Variants in MCC observed in about 807,000 individuals in gnomAD.
The protein encoded by MCC is colorectal mutant cancer protein.
A neutral mutation model predicts 116.2 loss-of-function variants in MCC; 90 were observed. The ratio of observed to expected loss-of-function variants is 0.77; its 90% CI spans 0.65 to 0.92. The LOEUF is 0.92. MCC is among the 40% of genes least tolerant of loss of function. MCC has a pLI of 0.00. For missense variants in MCC, 1,516 were observed against 1,312.2 expected (o/e 1.16, Z -2.40); for synonymous variants, 578 against 510.5 (o/e 1.13, Z -1.78).
At chr5:113,181,264 A>T (rs1017994714) in intron 3 of MCC, among the ~76,000 whole-genome samples, 1 of 152,236 alleles carries the variant, frequency 6.6e-6, no homozygotes, top group African/African-American at 2.4e-5. Flanking sequence ...ATTATCAGGC[A>T]AATTTTAGAC....
chr5:113,065,145 C>T (rs996876353), intron 13 of MCC, among the ~76,000 whole-genome samples: 4 of 152,138 alleles, frequency 2.6e-5, no homozygotes, highest in African/African-American at 9.7e-5. Flanking sequence ...TTGGCCCAAA[C>T]CCATAGAATG....
chr5:113,146,190 G>C (rs1011301840), intron 4 of MCC, among the ~76,000 whole-genome samples: 15 of 61,876 alleles, frequency 2.4e-4, no homozygotes, highest in Non-Finnish European at 5.2e-4. Context: ...TTTCTTAAAT[G>C]AGACTGTGCT....
At chr5:113,080,162 G>T (rs1189718297) in intron 11 of MCC, among the ~76,000 whole-genome samples, 1 of 152,214 alleles carries the variant, frequency 6.6e-6, no homozygotes, top group East Asian at 1.9e-4. Context: ...AACAGGTGCT[G>T]GAAAGGATGT....
intron 2 of MCC, among the ~76,000 whole-genome samples, chr5:113,363,878 T>C (rs939235081): frequency 2.0e-5 from 3 of 152,110 alleles, no homozygotes; most frequent in South Asian, 4.1e-4. Flanking sequence ...ACATCCAAGA[T>C]ACAATGGTAG....
intron 3 of MCC, among the ~76,000 whole-genome samples, chr5:113,167,128 T>C (rs1231194078): frequency 6.6e-6 from 1 of 152,134 alleles, no homozygotes; most frequent in Non-Finnish European, 1.5e-5. Flanking sequence ...ATTCTCTCAC[T>C]TTACACCAAT....
chr5:113,326,611 C>A (rs968680406), intron 3 of MCC, among the ~76,000 whole-genome samples: 6 of 152,152 alleles, frequency 3.9e-5, no homozygotes, highest in Non-Finnish European at 5.9e-5. Flanking sequence ...AGTTTCAATG[C>A]GAATTTTGGA....
chr5:113,079,467 C>G (rs192005219), intron 11 of MCC, among the ~76,000 whole-genome samples: 4 of 152,240 alleles, frequency 2.6e-5, no homozygotes, highest in Non-Finnish European at 5.9e-5. Flanking sequence ...GAGATATAGA[C>G]CAATGGAACA....
At chr5:113,147,717 G>C (rs537566403) in intron 4 of MCC, among the ~76,000 whole-genome samples, 127 of 152,256 alleles carry the variant, frequency 8.3e-4, no homozygotes, top group African/African-American at 2.9e-3. Flanking sequence ...GCTAAACAAA[G>C]AGGCACCAGC....
At chr5:113,179,030 G>A (rs1761480443) in intron 3 of MCC, among the ~76,000 whole-genome samples, 1 of 152,108 alleles carries the variant, frequency 6.6e-6, no homozygotes, top group African/African-American at 2.4e-5. Flanking sequence ...ATAATTTACT[G>A]TTAAAATGCT....
Position 113,384,968 on chromosome 5 carries a change from C to G in MCC, c.415G>C (p.Gly139Arg). ...AAAACTGCCACCTGGTTATACCTAC[C>G]CAAACTGTTGTCACTGCTCGTGGGC... ...SWPTSSDNSL[G>R]ALSAARESWE... The change falls in exon 2 of 19, where the codon GGT becomes CGT. Residue 139 changes from glycine (G) to arginine (R), a missense_variant and splice_region_variant. Physicochemically the swap from Gly to Arg is moderately radical, Grantham distance 125. Transcript: ENST00000408903. 2 of 1,614,122 alleles carry G rather than the reference C, an allele frequency of 1.2e-6. No homozygotes were observed. Among genetic ancestry groups the G allele is most frequent in the African/African-American group, 1.3e-5 (1 of 75,046 alleles).
At chr5:113,423,638 A>C (rs1362207841) in intron 1 of MCC, among the ~76,000 whole-genome samples, 1 of 152,214 alleles carries the variant, frequency 6.6e-6, no homozygotes, top group Non-Finnish European at 1.5e-5. Context: ...AGCCAGACTG[A>C]AGCAAGTATT....
rs113387336 is a variant in MCC at position 113,122,687 on chromosome 5, T to C, written c.1024A>G (p.Met342Val). Residue 342 changes from methionine to valine, a missense_variant, in exon 6 of 19, where the codon ATG (methionine) becomes GTG (valine). Coordinates refer to ENST00000408903, the MANE Select transcript of MCC (RefSeq NM_001085377.2). The part of the protein sequence containing the change: ...ENQSTMVTAD[M>V]DNCSDLNSEL... ...TGGCAAGGGCAGGCAGACTCACCCA[T>C]GTCAGCAGTAACCATGGTAGACTGG... 3.7e-6 allele frequency: 6 copies of C among 1,613,984 alleles called. No homozygotes were observed. The highest frequency in any genetic ancestry group is 2.7e-5 in the African/African-American group (2 of 74,918).
At chr5:113,355,771 C>G (rs1440605814) in intron 2 of MCC, among the ~76,000 whole-genome samples, 1 of 152,072 alleles carries the variant, frequency 6.6e-6, no homozygotes, top group African/African-American at 2.4e-5. Flanking sequence ...ACGATCTCAT[C>G]TAACTTTAAT....
At chr5:113,195,860 C>T (rs564275187) in intron 3 of MCC, among the ~76,000 whole-genome samples, 74 of 152,248 alleles carry the variant, frequency 4.9e-4, no homozygotes, top group African/African-American at 1.6e-3. Flanking sequence ...TCTGGCGCCT[C>T]CTCTCTCTCA....
At chr5:113,339,549 G>C (rs965540551) in intron 3 of MCC, among the ~76,000 whole-genome samples, 1 of 152,050 alleles carries the variant, frequency 6.6e-6, no homozygotes, top group Non-Finnish European at 1.5e-5. Context: ...TAGCTGGACA[G>C]TTTCTCTTTA....
chr5:113,247,396 C>A (rs1011259715), intron 3 of MCC, among the ~76,000 whole-genome samples: 2 of 152,132 alleles, frequency 1.3e-5, no homozygotes, highest in African/African-American at 4.8e-5. Flanking sequence ...TTTAAGTCAA[C>A]AGAAAACTAA....
intron 3 of MCC, among the ~76,000 whole-genome samples, chr5:113,197,147 C>G (rs899014571): frequency 1.3e-5 from 2 of 152,208 alleles, no homozygotes; most frequent in African/African-American, 4.8e-5. Context: ...GTCCGCTCCA[C>G]TGTCACGGGC....
intron 1 of MCC, among the ~76,000 whole-genome samples, chr5:113,444,509 TA>T (rs1355377385): frequency 2.0e-5 from 3 of 152,226 alleles, no homozygotes; most frequent in Non-Finnish European, 4.4e-5. Flanking sequence ...CCTTCTAAAC[TA>T]TATATATCCA....
intron 3 of MCC, among the ~76,000 whole-genome samples, chr5:113,227,682 TATAA>T: frequency 6.6e-6 from 1 of 152,344 alleles, no homozygotes; most frequent in South Asian, 2.1e-4. Context: ...GGGGATGGCT[TATAA>T]ATTTTTCATA....
Sources: allele counts gnomAD v4.1 joint callset (sites outside exome capture counted in the v4.1 genomes callset), GRCh38; gene constraint gnomAD v4.1.1; transcripts MANE v1.5; gene names NCBI Gene and HGNC (gene_info 2026-07-23, HGNC 2026-07-21).